Variants in FAM219A observed in about 807,000 individuals in gnomAD.
The protein encoded by FAM219A is protein FAM219A.
Under a neutral mutation model 23.4 loss-of-function variants are expected in FAM219A, and 7 were observed. The ratio of observed to expected loss-of-function variants is 0.30; its 90% CI spans 0.17 to 0.56. The LOEUF (loss-of-function observed/expected upper bound fraction) is 0.56, where lower values mean the gene tolerates loss of function less well. Ranked by LOEUF, FAM219A falls within the 20% of genes least tolerant of loss-of-function variation. The pLI is 0.92. For missense variants in FAM219A, 166 were observed against 246.9 expected, an observed-to-expected ratio of 0.67 and a Z score of 2.20; for synonymous variants, 93 against 99.0, an observed-to-expected ratio of 0.94 and a Z score of 0.36.
At chr9:34,411,982 G>A (rs1300868948) in intron 1 of FAM219A, among the ~76,000 whole-genome samples, 1 of 152,188 alleles carries the variant, frequency 6.6e-6, no homozygotes, top group Non-Finnish European at 1.5e-5. Flanking sequence ...ATGGAGAAAA[G>A]TTGCAGGAAA....
rs1485294704 is a variant in FAM219A, at chr9:34,458,315, A to C, written c.-52T>G. 10 of 1,232,092 alleles carry C rather than the reference A, an allele frequency of 8.1e-6. No homozygotes were observed. The Admixed American group carries it at 1.3e-4, about 16-fold the overall frequency. 76.3% of individuals were successfully genotyped at this position (1,232,092 alleles called of 1,614,324 possible). On this transcript the variant is annotated 5_prime_UTR_variant, in exon 1 of 6. Transcript: ENST00000651358. The surrounding 1 kb of genome is among the most constrained non-coding windows in gnomAD (Gnocchi z 6.6). Reference sequence around the variant, plus strand: ...GCCGGGCGCGGCCGCGGACGCCGACAGGACCGCGCGGGGCGGCGGCCCCAG... The same window carrying C: ...GCCGGGCGCGGCCGCGGACGCCGACCGGACCGCGCGGGGCGGCGGCCCCAG...
intron 1 of FAM219A, among the ~76,000 whole-genome samples, chr9:34,421,707 C>A (rs1822292161): frequency 6.6e-6 from 1 of 151,868 alleles, no homozygotes; most frequent in East Asian, 1.9e-4. Flanking sequence ...GCCTCCCCCA[C>A]CCCCATACAA....
Position 34,455,917 on chromosome 9 carries a change from G to C in FAM219A, c.60+2287C>G, listed in dbSNP as rs113101427. Among the ~76,000 whole-genome samples the C allele has an allele frequency of 2.0e-4, 31 of 152,308 alleles. No homozygotes were observed. In the South Asian group the frequency reaches 4.1e-3, roughly 20 times the overall value. On this transcript the variant is annotated intron_variant, in intron 1 of 5. Coordinates refer to ENST00000651358, the MANE Select transcript of FAM219A (RefSeq NM_001184940.2). ...ACTCAATAAAGTATTCTCAGGCCGGGCATAGCAGCTCACTCTTGTAATCCT... is the reference window on the plus strand; with the variant it reads ...ACTCAATAAAGTATTCTCAGGCCGGCCATAGCAGCTCACTCTTGTAATCCT...
chr9:34,428,281 G>T (rs1031384751), intron 1 of FAM219A, among the ~76,000 whole-genome samples: 2 of 152,186 alleles, frequency 1.3e-5, no homozygotes, highest in Admixed American at 1.3e-4. Context: ...AGATGGTAAA[G>T]GAAAATGCAA....
chr9:34,412,506 T>A (rs1407331558), intron 1 of FAM219A, among the ~76,000 whole-genome samples: 1 of 151,608 alleles, frequency 6.6e-6, no homozygotes, highest in African/African-American at 2.4e-5. Context: ...TACCACTAGT[T>A]GGTAGGATTT....
At chr9:34,411,113 G>A (rs1293297204) in intron 1 of FAM219A, among the ~76,000 whole-genome samples, 1 of 152,178 alleles carries the variant, frequency 6.6e-6, no homozygotes, top group African/African-American at 2.4e-5. Context: ...GCTTATATAT[G>A]AAGGTATCTG....
At chr9:34,445,262 T>C (rs10972117) in intron 1 of FAM219A, among the ~76,000 whole-genome samples, 3,174 of 152,316 alleles carry the variant, frequency 0.021, 92 homozygotes, top group East Asian at 0.12. Context: ...CACCAGTCTG[T>C]AAGTTCTAGA....
chr9:34,422,944 T>C (rs1001590319), intron 1 of FAM219A, among the ~76,000 whole-genome samples: 1 of 152,044 alleles, frequency 6.6e-6, no homozygotes, highest in East Asian at 1.9e-4. Flanking sequence ...AGTGGAAGGA[T>C]TGCTTGAGCC....
chr9:34,434,601 CACA>C (rs1035134641), intron 1 of FAM219A, among the ~76,000 whole-genome samples: 8 of 152,240 alleles, frequency 5.3e-5, no homozygotes, highest in Non-Finnish European at 1.0e-4. Flanking sequence ...AAAACGATAA[CACA>C]ACAAGAGACA....
At chr9:34,434,661 A>G (rs111236171) in intron 1 of FAM219A, among the ~76,000 whole-genome samples, 45 of 152,348 alleles carry the variant, frequency 3.0e-4, no homozygotes, top group African/African-American at 1.0e-3. Flanking sequence ...CATCCAGAAC[A>G]TTCAAATATT....
At chr9:34,401,640 T>A in intron 5 of FAM219A, 26 bp downstream of exon 5, 1 of 1,601,526 alleles carries the variant, frequency 6.2e-7, no homozygotes. Context: ...CGGTGGTGTC[T>A]AGGGTGAGAA....
chr9:34,442,857 T>G (rs1823231248), intron 1 of FAM219A, among the ~76,000 whole-genome samples: 1 of 152,138 alleles, frequency 6.6e-6, no homozygotes, highest in Admixed American at 6.5e-5. Context: ...TGTAGAAAAT[T>G]ATCATTTTTA....
rs751307029 is a variant in FAM219A, at chr9:34,400,948, G to A, written c.*16C>T. ...CCTTGGCGGCCCCGCCCCGGCGACC[G>A]CAGTGGCCCCGCCCGCTACTGAATG... On this transcript the variant is annotated 3_prime_UTR_variant, in exon 6 of 6. Transcript: ENST00000651358. 1.4e-5 allele frequency: 21 copies of A among 1,514,496 alleles called. No individual in the cohort carries two copies. Among genetic ancestry groups the A allele is most frequent in the East Asian group, 2.4e-5 (1 of 40,860 alleles). 93.8% of individuals were successfully genotyped at this position (1,514,496 alleles called of 1,614,324 possible). A position where few individuals can be genotyped will look rare whatever the true frequency, so the allele number is the denominator to read the frequency against.
chr9:34,398,421 G>A lies in FAM219A; in HGVS notation c.*2543C>T. 6.5e-7 allele frequency: 1 copy of A among 1,529,370 alleles called. No homozygotes were observed. The highest frequency in any genetic ancestry group is 1.2e-5 in the South Asian group (1 of 83,600). 94.7% of individuals were successfully genotyped at this position (1,529,370 alleles called of 1,614,324 possible). The stretch of plus-strand genomic sequence containing the variant: ...AAGGGGAAGGGTGGCAGGAGGGCAA[G>A]CTAAGGCCTAGATTCTTCCCTCCAA... On this transcript the variant is annotated 3_prime_UTR_variant, in exon 6 of 6. Coordinates refer to ENST00000651358, the MANE Select transcript of FAM219A (RefSeq NM_001184940.2).
intron 1 of FAM219A, among the ~76,000 whole-genome samples, chr9:34,442,098 A>G (rs1823197133): frequency 1.3e-5 from 2 of 152,352 alleles, no homozygotes; most frequent in South Asian, 2.1e-4. Flanking sequence ...GGTATGAAAT[A>G]CATACACATC....
At chr9:34,445,392 T>C (rs906183790) in intron 1 of FAM219A, among the ~76,000 whole-genome samples, 4 of 152,222 alleles carry the variant, frequency 2.6e-5, no homozygotes, top group Non-Finnish European at 4.4e-5. Flanking sequence ...CTAGAGGTTA[T>C]AGAGGCTTAG....
At chr9:34,406,698 A>G (rs953924985) in intron 1 of FAM219A, among the ~76,000 whole-genome samples, 2 of 152,160 alleles carry the variant, frequency 1.3e-5, no homozygotes, top group African/African-American at 2.4e-5. Flanking sequence ...ATAGGAAAGC[A>G]CACATTCTGT....
At chr9:34,451,929 T>C (rs888754550) in intron 1 of FAM219A, among the ~76,000 whole-genome samples, 1 of 152,162 alleles carries the variant, frequency 6.6e-6, no homozygotes, top group African/African-American at 2.4e-5. Context: ...GTAATACATA[T>C]ATACATTCCA....
chr9:34,449,992 C>A (rs941204775), intron 1 of FAM219A, among the ~76,000 whole-genome samples: 3 of 152,112 alleles, frequency 2.0e-5, no homozygotes, highest in African/African-American at 7.2e-5. Flanking sequence ...TCACCAATTC[C>A]TTCATAAGGA....
Sources: allele counts gnomAD v4.1 joint callset (sites outside exome capture counted in the v4.1 genomes callset), GRCh38; gene constraint gnomAD v4.1.1; non-coding constraint Gnocchi (gnomAD v3.1); transcripts MANE v1.5; gene names NCBI Gene and HGNC (gene_info 2026-07-23, HGNC 2026-07-21).